Variants in TMEM132C observed in about 807,000 individuals in gnomAD.
TMEM132C encodes transmembrane protein 132C.
A neutral mutation model predicts 61.4 loss-of-function variants in TMEM132C; 29 were observed. That is an observed-to-expected ratio of 0.47 (90% confidence interval 0.35 to 0.64). The LOEUF (loss-of-function observed/expected upper bound fraction) is 0.64, where lower values mean the gene tolerates loss of function less well. Ranked by LOEUF, TMEM132C falls within the 30% of genes least tolerant of loss-of-function variation. The pLI, the probability that TMEM132C is intolerant of heterozygous loss-of-function variation, is 0.00. For missense variants in TMEM132C, 1,408 were observed against 1,476.9 expected, an observed-to-expected ratio of 0.95 and a Z score of 0.76; for synonymous variants, 656 against 633.1, an observed-to-expected ratio of 1.04 and a Z score of -0.54.
chr12:128,639,288 T>C (rs1954135312), intron 4 of TMEM132C, among the ~76,000 whole-genome samples: 1 of 150,788 alleles, frequency 6.6e-6, no homozygotes, highest in Non-Finnish European at 1.5e-5. Context: ...ATAATGACAA[T>C]GGTGATGATG....
rs1405595175 is a variant in TMEM132C at position 128,267,204 on chromosome 12, G to A, written c.-199G>A. On this transcript the variant is annotated 5_prime_UTR_variant, in exon 1 of 9. Coordinates refer to ENST00000435159, the MANE Select transcript of TMEM132C (RefSeq NM_001136103.3). ...TCCCGGCCGGAGCGCGAGCAGCGGC[G>A]GAGCCGGAGCCGCCAGAGCCAGAGC... is the stretch of plus-strand genomic sequence containing the variant. Among the ~76,000 whole-genome samples, 3 of 147,126 alleles carry A rather than the reference G, an allele frequency of 2.0e-5. No individual in the cohort carries two copies. Among genetic ancestry groups the A allele is most frequent in the Admixed American group, 2.0e-4 (3 of 14,820 alleles).
At chr12:128,604,450 T>TAGATAGATA (rs1010393054) in intron 3 of TMEM132C, among the ~76,000 whole-genome samples, 1 of 146,886 alleles carries the variant, frequency 6.8e-6, no homozygotes, top group African/African-American at 2.5e-5. Context: ...GATAGATAGA[T>TAGATAGATA]AATAGATGGA....
chr12:128,355,912 C>G, intron 1 of TMEM132C, among the ~76,000 whole-genome samples: 1 of 152,258 alleles, frequency 6.6e-6, no homozygotes, highest in Middle Eastern at 3.4e-3. Flanking sequence ...ACTCTTTACC[C>G]CCTTCCTGCC....
At chr12:128,349,811 G>T (rs554284166) in intron 1 of TMEM132C, among the ~76,000 whole-genome samples, 25 of 152,162 alleles carry the variant, frequency 1.6e-4, no homozygotes, top group Non-Finnish European at 3.1e-4. Context: ...CTACTTGTAG[G>T]TAAATTCTCC....
rs914097296 is a variant in TMEM132C, at chr12:128,414,782, C to T, written c.136C>T (p.Pro46Ser). The T allele has an allele frequency of 1.1e-5, 17 of 1,539,658 alleles. No individual in the cohort carries two copies. The South Asian group carries it at 1.9e-4, about 17-fold the overall frequency. Residue 46 changes from proline to serine, a missense_variant, in exon 2 of 9, where the codon CCA (proline) becomes TCA (serine). Physicochemically the swap from Pro to Ser is moderately conservative, Grantham distance 74. Coordinates refer to ENST00000435159, the MANE Select transcript of TMEM132C (RefSeq NM_001136103.3). ...CAACATACAGAGATTCTCCTCACTG[C>T]CACCTTACCTACCTGTGAGCTACCA... is the stretch of plus-strand genomic sequence containing the variant. ...TDNIQRFSSL[P>S]PYLPVSYHIL...
chr12:128,269,077 CT>C (rs1396989900), intron 1 of TMEM132C, among the ~76,000 whole-genome samples: 1 of 152,068 alleles, frequency 6.6e-6, no homozygotes. Context: ...TTAATTAGCT[CT>C]AGGTTCCAGC....
intron 1 of TMEM132C, among the ~76,000 whole-genome samples, chr12:128,392,585 T>C (rs1363786295): frequency 6.6e-6 from 1 of 152,090 alleles, no homozygotes; most frequent in Non-Finnish European, 1.5e-5. Flanking sequence ...GGGCCAGTGT[T>C]GGCCAAGGGT....
In TMEM132C at chr12:128,697,279, A is replaced by G; in HGVS notation, c.1985A>G (p.Asp662Gly). 1 of 1,548,582 alleles carries G rather than the reference A, an allele frequency of 6.5e-7. No homozygotes were observed. Among genetic ancestry groups the G allele is most frequent in the Middle Eastern group, 1.7e-4 (1 of 5,980 alleles). The change falls in exon 8 of 9, where the codon GAT becomes GGT. Residue 662 changes from aspartate to glycine, a missense_variant. Asp to Gly is a moderately conservative substitution (Grantham distance 94). Coordinates refer to ENST00000435159, the MANE Select transcript of TMEM132C (RefSeq NM_001136103.3). ...ILAEKTITVL[D>G]DKVSVTDLAI... ...GCAGAGAAGACAATAACCGTGCTAG[A>G]TGACAAAGTATCGGTGACAGACTTG...
chr12:128,670,164 G>C (rs1488317540), intron 5 of TMEM132C, among the ~76,000 whole-genome samples: 1 of 152,108 alleles, frequency 6.6e-6, no homozygotes, highest in Admixed American at 6.5e-5. Context: ...ACAAAAATTA[G>C]CTGGGTGTGA....
chr12:128,601,213 A>G (rs1353990558), intron 3 of TMEM132C, among the ~76,000 whole-genome samples: 1 of 152,172 alleles, frequency 6.6e-6, no homozygotes, highest in Admixed American at 6.5e-5. Flanking sequence ...GCTTCAAAGG[A>G]TGCGTCTGTC....
chr12:128,467,581 A>T (rs1870778059), intron 2 of TMEM132C, among the ~76,000 whole-genome samples: 1 of 152,200 alleles, frequency 6.6e-6, no homozygotes, highest in African/African-American at 2.4e-5. Flanking sequence ...ATTCTGCTCC[A>T]AGTTGGCCTC....
intron 2 of TMEM132C, among the ~76,000 whole-genome samples, chr12:128,511,842 C>T (rs1472617450): frequency 2.6e-5 from 4 of 152,206 alleles, no homozygotes; most frequent in Admixed American, 2.6e-4. Flanking sequence ...CTGGCTGGCC[C>T]AGGGCCTCCT....
chr12:128,397,348 C>T (rs1174700348), intron 1 of TMEM132C, among the ~76,000 whole-genome samples: 1 of 152,160 alleles, frequency 6.6e-6, no homozygotes, highest in African/African-American at 2.4e-5. Context: ...TTCTGTCTCC[C>T]TTGTGAGTGC....
intron 5 of TMEM132C, among the ~76,000 whole-genome samples, chr12:128,671,489 G>A (rs1835122395): frequency 6.6e-6 from 1 of 152,142 alleles, no homozygotes; most frequent in South Asian, 2.1e-4. Flanking sequence ...AAAGCATTCG[G>A]GTAGTGATTT....
At position 128,707,821 on chromosome 12, in the gene TMEM132C, T is replaced by G. The variant is rs1193124758; in HGVS notation, c.*1526T>G. ...CTGGGTTGGACCTTTGAAAAATATA[T>G]TTGTAGCACATATTATAGATGGAAA... On this transcript the variant is annotated 3_prime_UTR_variant, in exon 9 of 9. Transcript: ENST00000435159. The G allele has an allele frequency of 1.3e-5, 2 of 152,206 alleles. No individual in the cohort carries two copies. The highest frequency in any genetic ancestry group is 4.8e-5 in the African/African-American group (2 of 41,428). 9.4% of individuals were successfully genotyped at this position (152,206 alleles called of 1,614,324 possible). A position where few individuals can be genotyped will look rare whatever the true frequency, so the allele number is the denominator to read the frequency against.
intron 1 of TMEM132C, among the ~76,000 whole-genome samples, chr12:128,270,188 C>T (rs1015380387): frequency 2.0e-5 from 3 of 152,112 alleles, no homozygotes; most frequent in African/African-American, 7.2e-5. Flanking sequence ...ACATATGAGA[C>T]CTTCTGGGAA....
At chr12:128,582,382 CTGTG>C (rs1490981762) in intron 3 of TMEM132C, among the ~76,000 whole-genome samples, 4 of 149,794 alleles carry the variant, frequency 2.7e-5, no homozygotes, top group African/African-American at 9.9e-5. Context: ...CTTACACACT[CTGTG>C]TGGGAGTATA....
At chr12:128,666,076 C>A (rs1176936121) in intron 4 of TMEM132C, among the ~76,000 whole-genome samples, 1 of 110,524 alleles carries the variant, frequency 9.0e-6, no homozygotes. Flanking sequence ...CACAAACACA[C>A]AGGCACACAC....
At chr12:128,390,702 G>T (rs1447822257) in intron 1 of TMEM132C, among the ~76,000 whole-genome samples, 4 of 152,114 alleles carry the variant, frequency 2.6e-5, no homozygotes, top group Non-Finnish European at 1.5e-5. Context: ...GTTCAGACAG[G>T]GACAGAATCT....
Sources: gnomAD v4.1 joint callset for allele counts (sites outside exome capture counted in the v4.1 genomes callset) on GRCh38, gnomAD v4.1.1 for gene constraint, MANE v1.5 for transcripts, NCBI Gene and HGNC (gene_info 2026-07-23, HGNC 2026-07-21) for gene names.